The following SNTG2 variants were observed in gnomAD, a reference collection of about 807,000 sequenced individuals.
The protein encoded by SNTG2 is gamma-2-syntrophin.
A neutral mutation model predicts 70.9 loss-of-function variants in SNTG2; 74 were observed. The ratio of observed to expected loss-of-function variants is 1.04; its 90% confidence interval spans 0.86 to 1.27. The LOEUF is 1.27. SNTG2 is among the 50% of genes most tolerant of loss of function. The pLI is 0.00. For synonymous variants in SNTG2, 278 were observed against 273.8 expected (o/e 1.02, Z -0.15); for missense variants, 717 against 690.7 (o/e 1.04, Z -0.43).
intron 1 of SNTG2, among the ~76,000 whole-genome samples, chr2:1,014,584 TATGGGCAGAGAG>T (rs1659821073): frequency 9.4e-6 from 1 of 106,460 alleles, no homozygotes; most frequent in African/African-American, 3.2e-5. Context: ...GAAGGATTTA[TATGGGCAGAGAG>T]AAGGGTGGTC....
intron 1 of SNTG2, among the ~76,000 whole-genome samples, chr2:971,293 ATTGT>A (rs1040741595): frequency 3.4e-5 from 5 of 148,806 alleles, no homozygotes; most frequent in South Asian, 2.1e-4. Context: ...ATAGGCTTTT[ATTGT>A]TTGTTTGTTT....
intron 9 of SNTG2, among the ~76,000 whole-genome samples, chr2:1,220,667 CAGAA>C (rs1405563974): frequency 5.9e-5 from 9 of 152,206 alleles, no homozygotes; most frequent in African/African-American, 2.2e-4. Flanking sequence ...TTCATGTTGA[CAGAA>C]AGAGAATAAT....
intron 9 of SNTG2, among the ~76,000 whole-genome samples, chr2:1,224,416 T>C (rs1675621091): frequency 6.6e-6 from 1 of 152,194 alleles, no homozygotes; most frequent in Non-Finnish European, 1.5e-5. Context: ...CACCTGACCC[T>C]TGACCTTTGA....
At chr2:1,086,222 A>G (rs1368703342) in intron 2 of SNTG2, among the ~76,000 whole-genome samples, 7 of 152,226 alleles carry the variant, frequency 4.6e-5, no homozygotes, top group Non-Finnish European at 7.3e-5. Context: ...GAGGGCTTCA[A>G]TCACGGAAAC....
At chr2:1,347,099 AG>A (rs199899107) in intron 16 of SNTG2, among the ~76,000 whole-genome samples, 2 of 148,008 alleles carry the variant, frequency 1.4e-5, no homozygotes, top group African/African-American at 2.5e-5. Context: ...GGAAAAAAAA[AG>A]GTGAGAGCTC....
At chr2:1,105,136 G>A (rs1185735068) in intron 4 of SNTG2, among the ~76,000 whole-genome samples, 4 of 152,094 alleles carry the variant, frequency 2.6e-5, no homozygotes, top group East Asian at 1.9e-4. Flanking sequence ...GGTTCCATTC[G>A]CTGAGAGCAA....
intron 8 of SNTG2, among the ~76,000 whole-genome samples, chr2:1,183,979 A>G (rs1572671720): frequency 6.6e-6 from 1 of 152,336 alleles, no homozygotes; most frequent in Middle Eastern, 3.4e-3. Context: ...CCTACAAAAA[A>G]TATAAAATAG....
chr2:1,283,390 T>G (rs1260025177), intron 14 of SNTG2, among the ~76,000 whole-genome samples: 1 of 152,212 alleles, frequency 6.6e-6, no homozygotes, highest in Non-Finnish European at 1.5e-5. Flanking sequence ...CCCGTGGCCC[T>G]TGTGCTCATC....
chr2:1,170,724 T>G (rs190233786), intron 7 of SNTG2, among the ~76,000 whole-genome samples: 228 of 152,344 alleles, frequency 1.5e-3, no homozygotes, highest in African/African-American at 5.1e-3. Context: ...ACATACCCTT[T>G]GTATGGGTTT....
intron 14 of SNTG2, among the ~76,000 whole-genome samples, chr2:1,281,657 G>A (rs1297486259): frequency 6.6e-6 from 1 of 152,100 alleles, no homozygotes; most frequent in East Asian, 1.9e-4. Flanking sequence ...CCTGGCACTT[G>A]CTTTGCTGCC....
intron 8 of SNTG2, among the ~76,000 whole-genome samples, chr2:1,194,506 G>A (rs1220660812): frequency 6.7e-5 from 8 of 118,874 alleles, no homozygotes; most frequent in African/African-American, 1.0e-4. Flanking sequence ...TAGGTACCAC[G>A]TTGGTTGATT....
Position 1,338,432 on chromosome 2 carries a change from AT to A in SNTG2, c.1488+22061del, listed in dbSNP as rs1195718943. On this transcript the variant is annotated intron_variant, in intron 16 of 16. Transcript: ENST00000308624. ...TCCATGGTTAAGTTCATTCCTTAGCATTTTACTTTTTCATCCTATTGTAAAT... is the reference window on the plus strand; with the variant it reads ...TCCATGGTTAAGTTCATTCCTTAGCATTTACTTTTTCATCCTATTGTAAAT... Among the ~76,000 whole-genome samples the A allele has an allele frequency of 2.6e-5, 4 of 152,068 alleles. No individual in the cohort carries two copies. In the East Asian group the frequency reaches 7.7e-4, roughly 29 times the overall value.
chr2:1,150,500 TG>T (rs1321863849), intron 6 of SNTG2, among the ~76,000 whole-genome samples: 1 of 152,096 alleles, frequency 6.6e-6, no homozygotes, highest in Admixed American at 6.5e-5. Flanking sequence ...GGGTCTTCCC[TG>T]GGGGCTTGGT....
intron 9 of SNTG2, among the ~76,000 whole-genome samples, chr2:1,222,015 CTCTCTGTCTCTGCCTA>C (rs1675091686): frequency 4.1e-5 from 3 of 73,932 alleles, no homozygotes; most frequent in East Asian, 8.3e-4. Flanking sequence ...CTCTCTGTCT[CTCTCTGTCTCTGCCTA>C]TCTCTGTCTC....
intron 1 of SNTG2, among the ~76,000 whole-genome samples, chr2:965,621 T>C (rs888196169): frequency 6.6e-6 from 1 of 151,920 alleles, no homozygotes; most frequent in African/African-American, 2.4e-5. Flanking sequence ...GTCCTCCTCG[T>C]CCTTTGGGCT....
chr2:1,141,932 G>A (rs1479213024), intron 6 of SNTG2, among the ~76,000 whole-genome samples: 1 of 146,046 alleles, frequency 6.8e-6, no homozygotes, highest in Non-Finnish European at 1.5e-5. Context: ...CAAGGACGTG[G>A]CATCGCCCCA....
At chr2:1,192,671 G>A (rs573294508) in intron 8 of SNTG2, among the ~76,000 whole-genome samples, 25 of 152,156 alleles carry the variant, frequency 1.6e-4, no homozygotes, top group Admixed American at 7.2e-4. Flanking sequence ...TCGAGCTTGC[G>A]TTAATCAGTT....
intron 6 of SNTG2, among the ~76,000 whole-genome samples, chr2:1,153,949 T>C (rs1669684647): frequency 6.6e-6 from 1 of 152,192 alleles, no homozygotes; most frequent in South Asian, 2.1e-4. Context: ...GATGTGTATT[T>C]AAGATCCAAC....
rs376790016 is a variant in SNTG2, at chr2:1,242,134, C to T, written c.888+2358C>T. On this transcript the variant is annotated intron_variant, in intron 11 of 16. Coordinates refer to ENST00000308624, the MANE Select transcript of SNTG2 (RefSeq NM_018968.4). ...GAACTAGCCCTGCTATATCCGGATG[C>T]GCTTTTGGTGGAGGATGGTTTCACG... Among the ~76,000 whole-genome samples, 27 of 152,180 alleles carry T rather than the reference C, an allele frequency of 1.8e-4. No individual in the cohort carries two copies. In the East Asian group the frequency reaches 2.1e-3, roughly 12 times the overall value.
Sources: allele counts gnomAD v4.1 joint callset (sites outside exome capture counted in the v4.1 genomes callset), GRCh38; gene constraint gnomAD v4.1.1; transcripts MANE v1.5; gene names NCBI Gene and HGNC (gene_info 2026-07-23, HGNC 2026-07-21).